Variants in UGT2A1 observed in about 807,000 individuals in gnomAD.
UGT2A1 encodes UDP-glucuronosyltransferase 2A1.
Under a neutral mutation model 45.4 loss-of-function variants are expected in UGT2A1, and 61 were observed. The ratio of observed to expected loss-of-function variants is 1.34; its 90% CI spans 1.09 to 1.66. UGT2A1 has a LOEUF of 1.66. UGT2A1 is among the 40% of genes most tolerant of loss of function. The pLI, the probability that UGT2A1 is intolerant of heterozygous loss-of-function variation, is 0.00. For missense variants in UGT2A1, 649 were observed against 574.3 expected, an observed-to-expected ratio of 1.13 and a Z score of -1.33; for synonymous variants, 229 against 196.2, an observed-to-expected ratio of 1.17 and a Z score of -1.40.
intron 1 of UGT2A1, among the ~76,000 whole-genome samples, chr4:69,652,507 G>A (rs2109986644): frequency 6.6e-6 from 1 of 151,976 alleles, no homozygotes; most frequent in South Asian, 2.1e-4. Context: ...CTGACCAGAG[G>A]TGATCCACCC....
At chr4:69,639,349 G>A in intron 2 of UGT2A1, 1 of 1,613,682 alleles carries the variant, frequency 6.2e-7, no homozygotes, top group Non-Finnish European at 8.5e-7. Context: ...ATTATCATAT[G>A]CTCAATTAAG....
At chr4:69,637,593 T>A (rs1721783453) in intron 2 of UGT2A1, among the ~76,000 whole-genome samples, 1 of 152,170 alleles carries the variant, frequency 6.6e-6, no homozygotes, top group Non-Finnish European at 1.5e-5. Context: ...CATTCTTTCA[T>A]TTGATACTTT....
At chr4:69,651,555 T>C (rs756097065) in intron 1 of UGT2A1, among the ~76,000 whole-genome samples, 62 of 152,340 alleles carry the variant, frequency 4.1e-4, no homozygotes, top group African/African-American at 1.5e-3. Context: ...CTTTGCTTAA[T>C]TGTGTTACAG....
intron 2 of UGT2A1, among the ~76,000 whole-genome samples, chr4:69,642,325 G>C (rs1470746494): frequency 6.6e-6 from 1 of 151,260 alleles, no homozygotes; most frequent in Non-Finnish European, 1.5e-5. Context: ...TTGCAGAAAA[G>C]GGAATGATAC....
intron 3 of UGT2A1, among the ~76,000 whole-genome samples, chr4:69,602,616 A>T (rs1488543191): frequency 7.3e-6 from 1 of 137,562 alleles, no homozygotes; most frequent in Non-Finnish European, 1.6e-5. Context: ...AGCAACTGAA[A>T]TTTCTGTGCA....
chr4:69,639,010 C>T, intron 2 of UGT2A1: 1 of 1,613,224 alleles, frequency 6.2e-7, no homozygotes, highest in Non-Finnish European at 8.5e-7. Flanking sequence ...GTCATCTGGT[C>T]AGTGAGCTCT....
intron 2 of UGT2A1, chr4:69,638,852 T>A (rs1721874319): frequency 1.4e-6 from 2 of 1,474,464 alleles, no homozygotes; most frequent in South Asian, 1.5e-5. Flanking sequence ...ACAATAAGAA[T>A]AAATAAGGGA....
chr4:69,622,985 A>T (rs1395542958), intron 3 of UGT2A1, among the ~76,000 whole-genome samples: 1 of 151,840 alleles, frequency 6.6e-6, no homozygotes, highest in Non-Finnish European at 1.5e-5. Context: ...TCTCTTTAAA[A>T]ATTGTCATGG....
chr4:69,606,833 G>T (rs1254130556), intron 3 of UGT2A1, among the ~76,000 whole-genome samples: 1 of 136,358 alleles, frequency 7.3e-6, no homozygotes, highest in Non-Finnish European at 1.6e-5. Flanking sequence ...TTGCTTCAAA[G>T]AGAATAAAAT....
At chr4:69,623,549 A>G (rs1171839600) in intron 3 of UGT2A1, among the ~76,000 whole-genome samples, 2 of 151,364 alleles carry the variant, frequency 1.3e-5, no homozygotes, top group Non-Finnish European at 3.0e-5. Context: ...TTTAAAATAT[A>G]AAATAATATT....
At chr4:69,647,805 C>T (rs1018943294) in intron 1 of UGT2A1, 107 bp from the exon 2 acceptor site, 4 of 485,812 alleles carry the variant, frequency 8.2e-6, no homozygotes, top group South Asian at 4.3e-5. Context: ...CATAGTAGCT[C>T]CATATTTTAG....
chr4:69,647,407 T>A lies in UGT2A1; in HGVS notation c.238A>T (p.Lys80Ter). The change falls in exon 2 of 7, where the codon AAA becomes TAA. Residue 80 changes from lysine (K) to a stop codon, truncating the protein, a stop_gained. Coordinates refer to ENST00000286604, the MANE Select transcript of UGT2A1 (RefSeq NM_001252275.3). LOFTEE classifies it high-confidence loss of function. ...TTAATTACTCCTTCTATTCTTTCTT[T>A]GCCAAAGGGCACCTTATATATTTCA... Reference protein sequence around the residue: ...TFEIYKVPFGKERIEGVIKDF... With the variant: ...TFEIYKVPFG 6.2e-7 allele frequency: 1 copy of A among 1,613,062 alleles called. No homozygotes were observed. The highest frequency in any genetic ancestry group is 8.5e-7 in the Non-Finnish European group (1 of 1,179,438).
intron 3 of UGT2A1, among the ~76,000 whole-genome samples, chr4:69,630,246 T>C (rs986614611): frequency 1.3e-5 from 2 of 152,102 alleles, no homozygotes; most frequent in East Asian, 1.9e-4. Context: ...TACGATTCAT[T>C]TTTTTCTCCT....
chr4:69,601,338 G>T (rs1489591361), intron 3 of UGT2A1, among the ~76,000 whole-genome samples: 1 of 152,128 alleles, frequency 6.6e-6, no homozygotes, highest in Non-Finnish European at 1.5e-5. Flanking sequence ...TGCCCTGGTG[G>T]CTTAACAGAA....
intron 1 of UGT2A1, among the ~76,000 whole-genome samples, chr4:69,650,051 T>A (rs1448548393): frequency 6.6e-6 from 1 of 152,138 alleles, no homozygotes; most frequent in East Asian, 1.9e-4. Context: ...TGTATTCAAC[T>A]GAGAAATGGC....
Position 69,646,938 on chromosome 4 carries a change from T to C in UGT2A1, c.707A>G (p.Lys236Arg). Residue 236 changes from lysine (K) to arginine (R), a missense_variant, in exon 2 of 7, where the codon AAA becomes AGA. By Grantham distance (26) the Lys-to-Arg change is conservative (BLOSUM62 2). Coordinates refer to ENST00000286604, the MANE Select transcript of UGT2A1 (RefSeq NM_001252275.3). ...CAAAATTTGTTACATACCTAAAGCT[T>C]TACTATAGTATGAATCCCATGATTT... ...LWKSWDSYYSKALGGLLLCCP... is the reference protein window; with the variant it reads ...LWKSWDSYYSRALGGLLLCCP... 1 of 1,578,832 alleles carries C rather than the reference T, an allele frequency of 6.3e-7. No homozygotes were observed. The highest frequency in any genetic ancestry group is 8.6e-7 in the Non-Finnish European group (1 of 1,166,296).
chr4:69,622,267 C>A (rs949274694), intron 3 of UGT2A1, among the ~76,000 whole-genome samples: 40 of 150,736 alleles, frequency 2.7e-4, no homozygotes, highest in South Asian at 1.3e-3. Flanking sequence ...AAATACATAA[C>A]AAAGTAATAA....
chr4:69,647,195 A>G lies in UGT2A1; in HGVS notation c.450T>C (p.Asp150=), dbSNP rs1435922300. The change falls in exon 2 of 7, where the codon GAT becomes GAC. Residue 150 remains aspartate (D), a synonymous_variant. Coordinates refer to ENST00000286604, the MANE Select transcript of UGT2A1 (RefSeq NM_001252275.3). ...KKSKFEVLVS[D]PVFPCGDIVA... The stretch of plus-strand genomic sequence containing the variant: ...CTATATCGCCACAAGGAAATACTGG[A>G]TCAGACACCAGGACTTCAAACTTGC... 6.2e-7 allele frequency: 1 copy of G among 1,613,202 alleles called. No homozygotes were observed. The highest frequency in any genetic ancestry group is 8.5e-7 in the Non-Finnish European group (1 of 1,179,440).
intron 3 of UGT2A1, among the ~76,000 whole-genome samples, chr4:69,605,746 C>A (rs1719569035): frequency 7.3e-6 from 1 of 136,130 alleles, no homozygotes; most frequent in Non-Finnish European, 1.6e-5. Flanking sequence ...GGGATATCAC[C>A]ACCGATCCCA....
Sources: gnomAD v4.1 joint callset for allele counts (sites outside exome capture counted in the v4.1 genomes callset) on GRCh38, gnomAD v4.1.1 for gene constraint, MANE v1.5 for transcripts, NCBI Gene and HGNC (gene_info 2026-07-23, HGNC 2026-07-21) for gene names.